SETBP1: variants seen among roughly 807,000 people sequenced by gnomAD.
SETBP1 encodes the protein SET binding protein 1, also known as SET-binding protein.
SETBP1 carries 9 observed loss-of-function variants against 101.0 expected under a neutral mutation model. The observed-to-expected ratio is 0.09, with a 90% CI of 0.05 to 0.16. SETBP1 has a LOEUF of 0.16. Among genes scored for constraint, SETBP1 ranks in the 10% least tolerant of loss-of-function variants. The pLI, the probability that SETBP1 is intolerant of heterozygous loss-of-function variation, is 1.00. For synonymous variants in SETBP1, 818 were observed against 788.5 expected (o/e 1.04, Z -0.63); for missense variants, 1,858 against 2,033.8 (o/e 0.91, Z 1.66).
chr18:44,926,762 AAACAACAAC>A (rs200000678), intron 3 of SETBP1, among the ~76,000 whole-genome samples: 4 of 96,080 alleles, frequency 4.2e-5, no homozygotes, highest in Admixed American at 1.2e-4. Flanking sequence ...ACAAACAAAC[AAACAACAAC>A]AACAACAACA....
chr18:45,059,972 A>G (rs1486348874), intron 5 of SETBP1, among the ~76,000 whole-genome samples: 3 of 152,232 alleles, frequency 2.0e-5, no homozygotes, highest in Non-Finnish European at 4.4e-5. Context: ...TGAAGATAAA[A>G]TAAAAGTTCA....
At chr18:44,702,632 G>A (rs1413934095) in intron 2 of SETBP1, among the ~76,000 whole-genome samples, 1 of 152,058 alleles carries the variant, frequency 6.6e-6, no homozygotes, top group Non-Finnish European at 1.5e-5. Flanking sequence ...AAAAATTTGA[G>A]TTAATCAGAA....
chr18:44,873,367 A>G (rs1455140669), intron 3 of SETBP1, among the ~76,000 whole-genome samples: 1 of 152,214 alleles, frequency 6.6e-6, no homozygotes, highest in Non-Finnish European at 1.5e-5. Context: ...ATGGGCATTG[A>G]TGAGACAATG....
At chr18:44,900,180 A>T (rs1260468965) in intron 3 of SETBP1, among the ~76,000 whole-genome samples, 1 of 152,230 alleles carries the variant, frequency 6.6e-6, no homozygotes, top group African/African-American at 2.4e-5. Context: ...CAGCATCATT[A>T]GTACCTGTTA....
intron 2 of SETBP1, among the ~76,000 whole-genome samples, chr18:44,785,894 C>T (rs896445709): frequency 6.6e-6 from 1 of 152,150 alleles, no homozygotes; most frequent in African/African-American, 2.4e-5. Flanking sequence ...TTTATTAACC[C>T]CCCCACCATA....
chr18:44,697,773 C>T (rs1599001901), intron 1 of SETBP1, among the ~76,000 whole-genome samples: 1 of 152,146 alleles, frequency 6.6e-6, no homozygotes, highest in South Asian at 2.1e-4. Context: ...AAGGAGTGAG[C>T]ACCACGGTCT....
In SETBP1 at chr18:45,067,109, G is replaced by T. The variant is rs1446363476; in HGVS notation, c.*3411G>T. On this transcript the variant is annotated 3_prime_UTR_variant, in exon 6 of 6. Coordinates refer to ENST00000649279, the MANE Select transcript of SETBP1 (RefSeq NM_015559.3). ...AGCAGCCACTGACAGCCCAGAGAAG[G>T]TGACTAAGGGCTGGCAGAAGATTAG... 6.6e-6 allele frequency: 1 copy of T among 152,220 alleles called. No individual in the cohort carries two copies. Among genetic ancestry groups the T allele is most frequent in the Non-Finnish European group, 1.5e-5 (1 of 68,044 alleles). The allele number at this position is 152,220 out of a possible 1,614,324, so 9.4% of individuals were successfully genotyped here. A position where few individuals can be genotyped will look rare whatever the true frequency, so the allele number is the denominator to read the frequency against.
chr18:44,959,444 GACA>G (rs1348504348), intron 4 of SETBP1, among the ~76,000 whole-genome samples: 1 of 152,228 alleles, frequency 6.6e-6, no homozygotes, highest in Non-Finnish European at 1.5e-5. Context: ...ATAAGGACAA[GACA>G]ACATTTTTTA....
chr18:44,754,571 A>G (rs919578573), intron 2 of SETBP1, among the ~76,000 whole-genome samples: 12 of 152,224 alleles, frequency 7.9e-5, no homozygotes, highest in African/African-American at 2.9e-4. Flanking sequence ...CTTATAGAGA[A>G]GTCCCTTTAT....
intron 5 of SETBP1, among the ~76,000 whole-genome samples, chr18:45,047,853 G>C (rs1297133245): frequency 6.7e-6 from 1 of 148,462 alleles, no homozygotes; most frequent in African/African-American, 2.4e-5. Flanking sequence ...GACAAAGACA[G>C]AGAGAGAGAG....
At chr18:44,994,215 G>A (rs937289813) in intron 4 of SETBP1, among the ~76,000 whole-genome samples, 5 of 151,982 alleles carry the variant, frequency 3.3e-5, no homozygotes, top group African/African-American at 1.2e-4. Flanking sequence ...TATTTTAGAT[G>A]AGAGAACACA....
At chr18:45,004,652 T>C (rs1020800313) in intron 4 of SETBP1, among the ~76,000 whole-genome samples, 1 of 152,238 alleles carries the variant, frequency 6.6e-6, no homozygotes, top group Non-Finnish European at 1.5e-5. Flanking sequence ...CTCCTCCATC[T>C]TTTAGGCAGA....
chr18:44,960,670 G>A (rs542539765), intron 4 of SETBP1, among the ~76,000 whole-genome samples: 6 of 152,190 alleles, frequency 3.9e-5, no homozygotes, highest in South Asian at 2.1e-4. Flanking sequence ...ACAAGTGAAA[G>A]CCATAAAATG....
chr18:44,827,334 G>A (rs1330381735), intron 2 of SETBP1, among the ~76,000 whole-genome samples: 2 of 152,158 alleles, frequency 1.3e-5, no homozygotes, highest in Non-Finnish European at 2.9e-5. Flanking sequence ...GACTAGAATT[G>A]CCCATAGACG....
intron 1 of SETBP1, among the ~76,000 whole-genome samples, chr18:44,681,333 T>C (rs1328099712): frequency 6.6e-6 from 1 of 152,154 alleles, no homozygotes; most frequent in Non-Finnish European, 1.5e-5. Flanking sequence ...CGAAATACTG[T>C]CTGAGAAGTT....
chr18:45,036,986 T>G (rs1350082449), intron 4 of SETBP1, among the ~76,000 whole-genome samples: 1 of 152,220 alleles, frequency 6.6e-6, no homozygotes, highest in Non-Finnish European at 1.5e-5. Flanking sequence ...TCCCTTCATC[T>G]GTAAAATTGA....
intron 3 of SETBP1, among the ~76,000 whole-genome samples, chr18:44,939,879 G>A (rs1224649105): frequency 1.3e-5 from 2 of 152,178 alleles, no homozygotes; most frequent in Non-Finnish European, 2.9e-5. Flanking sequence ...TTTGACAAAC[G>A]TATTTTGCAG....
intron 4 of SETBP1, among the ~76,000 whole-genome samples, chr18:44,961,046 A>G (rs1318002071): frequency 6.6e-6 from 1 of 152,206 alleles, no homozygotes; most frequent in Non-Finnish European, 1.5e-5. Flanking sequence ...TGGTGTCCAG[A>G]ATGATGAGGG....
intron 3 of SETBP1, among the ~76,000 whole-genome samples, chr18:44,895,419 T>C (rs1035668522): frequency 5.9e-5 from 9 of 152,130 alleles, no homozygotes; most frequent in African/African-American, 2.2e-4. Context: ...TAGAGAGTAC[T>C]ATGCATTTTG....
Sources: gnomAD v4.1 joint callset for allele counts (sites outside exome capture counted in the v4.1 genomes callset) on GRCh38, gnomAD v4.1.1 for gene constraint, MANE v1.5 for transcripts, NCBI Gene and HGNC (gene_info 2026-07-23, HGNC 2026-07-21) for gene names.